Variants in PCSK5 observed in about 807,000 individuals in gnomAD.
PCSK5 encodes prohormone convertase 5.
PCSK5 carries 129 observed loss-of-function variants against 233.2 expected under a neutral mutation model. The ratio of observed to expected loss-of-function variants is 0.55; its 90% CI spans 0.48 to 0.64. The LOEUF (loss-of-function observed/expected upper bound fraction) is 0.64. Ranked by LOEUF, PCSK5 falls within the 30% of genes least tolerant of loss-of-function variation. The pLI is 0.00. For missense variants in PCSK5, 2,076 were observed against 2,430.1 expected (o/e 0.85, Z 3.06); for synonymous variants, 825 against 879.2 (o/e 0.94, Z 1.09).
intron 2 of PCSK5, among the ~76,000 whole-genome samples, chr9:75,946,071 A>G (rs1824552471): frequency 6.6e-6 from 1 of 152,236 alleles, no homozygotes; most frequent in Non-Finnish European, 1.5e-5. Flanking sequence ...ATGGCCTGGA[A>G]CAATATCCAG....
chr9:76,115,629 A>C (rs1358156667), intron 9 of PCSK5, among the ~76,000 whole-genome samples: 1 of 151,960 alleles, frequency 6.6e-6, no homozygotes, highest in African/African-American at 2.4e-5. Flanking sequence ...ATCAAATATG[A>C]TTTTTCTTGC....
intron 7 of PCSK5, among the ~76,000 whole-genome samples, chr9:76,086,854 A>G (rs1478646604): frequency 6.6e-6 from 1 of 152,174 alleles, no homozygotes; most frequent in Non-Finnish European, 1.5e-5. Context: ...TATGTGTCCA[A>G]CTTTACATAA....
At chr9:76,071,645 C>T in intron 6 of PCSK5, 81 bp from the exon 7 acceptor site, 1 of 1,176,706 alleles carries the variant, frequency 8.5e-7, no homozygotes, top group East Asian at 2.4e-5. Context: ...TATTCTTCCC[C>T]CCGAGAATCC....
chr9:75,975,183 T>C (rs1307451506), intron 2 of PCSK5, among the ~76,000 whole-genome samples: 6 of 151,930 alleles, frequency 3.9e-5, no homozygotes, highest in African/African-American at 1.5e-4. Flanking sequence ...CCATTCCCCC[T>C]CCCTGAGTTT....
intron 3 of PCSK5, among the ~76,000 whole-genome samples, chr9:75,993,633 G>C (rs1826869119): frequency 6.6e-6 from 1 of 152,140 alleles, no homozygotes; most frequent in Non-Finnish European, 1.5e-5. Context: ...TCACTAGGAA[G>C]ACTTACATGA....
intron 14 of PCSK5, among the ~76,000 whole-genome samples, chr9:76,177,815 T>C (rs962201756): frequency 5.9e-5 from 9 of 152,206 alleles, no homozygotes; most frequent in African/African-American, 2.2e-4. Flanking sequence ...AAGACTATTA[T>C]TGCATTATTA....
At chr9:76,006,229 AT>A (rs1827472815) in intron 3 of PCSK5, among the ~76,000 whole-genome samples, 1 of 152,088 alleles carries the variant, frequency 6.6e-6, no homozygotes, top group Non-Finnish European at 1.5e-5. Context: ...GACAATTTTA[AT>A]GTATTTTTAT....
intron 5 of PCSK5, among the ~76,000 whole-genome samples, chr9:76,029,067 T>C (rs1828549547): frequency 6.6e-6 from 1 of 152,138 alleles, no homozygotes. Context: ...TTCTTCCTGC[T>C]GTTGGGGGCA....
intron 7 of PCSK5, among the ~76,000 whole-genome samples, chr9:76,084,772 A>G (rs1221560969): frequency 6.6e-6 from 1 of 152,144 alleles, no homozygotes; most frequent in Non-Finnish European, 1.5e-5. Context: ...AATATAATAC[A>G]GCAGTAGTCG....
intron 27 of PCSK5, among the ~76,000 whole-genome samples, chr9:76,297,113 T>C (rs1166374799): frequency 6.6e-6 from 1 of 152,164 alleles, no homozygotes; most frequent in Admixed American, 6.5e-5. Context: ...TTAGTCTACC[T>C]GCTTGAGTTT....
intron 1 of PCSK5, among the ~76,000 whole-genome samples, chr9:75,905,547 G>A (rs892934180): frequency 6.6e-6 from 1 of 152,090 alleles, no homozygotes; most frequent in African/African-American, 2.4e-5. Flanking sequence ...GGTGATTTTT[G>A]TACAACTTTG....
rs553150637 is a variant in PCSK5, at chr9:75,936,851, A to C, written c.297+4368A>C. Among the ~76,000 whole-genome samples the C allele has an allele frequency of 1.4e-4, 22 of 152,328 alleles. No individual in the cohort carries two copies. In the South Asian group the frequency reaches 4.6e-3, roughly 32 times the overall value. Reference sequence around the variant, plus strand: ...TTTACTTTTCCAGATCCATTAGAGGAAACACTATCTATCAGAGCAGTAGCC... The same window carrying C: ...TTTACTTTTCCAGATCCATTAGAGGCAACACTATCTATCAGAGCAGTAGCC... On this transcript the variant is annotated intron_variant, in intron 2 of 37. Coordinates refer to ENST00000674117, the MANE Select transcript of PCSK5 (RefSeq NM_001372043.1).
rs1341493395 is a variant in PCSK5 at position 76,360,432 on chromosome 9, T to G, written c.*1510T>G. On this transcript the variant is annotated 3_prime_UTR_variant, in exon 38 of 38. Transcript: ENST00000674117. ...AATGATCACCCTAAAGCGTGTGTTC[T>G]TATAACTATGCTACTGAAATAAGGT... is the stretch of plus-strand genomic sequence containing the variant. 1 of 152,250 alleles carries G rather than the reference T, an allele frequency of 6.6e-6. No homozygotes were observed. The highest frequency in any genetic ancestry group is 1.9e-4 in the East Asian group (1 of 5,206). The allele number at this position is 152,250 out of a possible 1,614,324, so 9.4% of individuals were successfully genotyped here.
At chr9:76,139,422 T>C (rs551884639) in intron 10 of PCSK5, among the ~76,000 whole-genome samples, 25 of 152,234 alleles carry the variant, frequency 1.6e-4, no homozygotes, top group African/African-American at 5.5e-4. Context: ...TAAGGCACTT[T>C]AATTGGTAAT....
chr9:75,949,362 C>A (rs1300163955), intron 2 of PCSK5, among the ~76,000 whole-genome samples: 1 of 151,570 alleles, frequency 6.6e-6, no homozygotes, highest in Non-Finnish European at 1.5e-5. Flanking sequence ...AAGGACTGAC[C>A]AAAATCCCAG....
At chr9:75,998,427 AAG>A (rs888715833) in intron 3 of PCSK5, among the ~76,000 whole-genome samples, 39 of 152,212 alleles carry the variant, frequency 2.6e-4, no homozygotes, top group African/African-American at 9.4e-4. Flanking sequence ...GATAGTGAAA[AAG>A]AACTCACAGA....
chr9:76,054,643 C>T (rs1467071673), intron 5 of PCSK5, among the ~76,000 whole-genome samples: 5 of 152,196 alleles, frequency 3.3e-5, no homozygotes, highest in African/African-American at 9.6e-5. Context: ...TTCTTCAAAC[C>T]TACAACTATT....
intron 3 of PCSK5, among the ~76,000 whole-genome samples, chr9:76,019,805 C>T (rs1437732864): frequency 6.6e-6 from 1 of 152,076 alleles, no homozygotes; most frequent in African/African-American, 2.4e-5. Context: ...AATTTCATTC[C>T]TAAAAAAGTA....
intron 17 of PCSK5, among the ~76,000 whole-genome samples, chr9:76,188,348 C>G (rs1324281378): frequency 6.6e-6 from 1 of 152,072 alleles, no homozygotes; most frequent in Non-Finnish European, 1.5e-5. Flanking sequence ...GTCCCCGAAG[C>G]CTAGCAGCGT....
Sources: gnomAD v4.1 joint callset for allele counts (sites outside exome capture counted in the v4.1 genomes callset) on GRCh38, gnomAD v4.1.1 for gene constraint, MANE v1.5 for transcripts, NCBI Gene and HGNC (gene_info 2026-07-23, HGNC 2026-07-21) for gene names.